COL14A1: variants seen among roughly 807,000 people sequenced by gnomAD.
COL14A1 encodes the protein collagen type XIV alpha 1 chain.
A neutral mutation model predicts 230.3 loss-of-function variants in COL14A1; 136 were observed. That is an observed-to-expected ratio of 0.59 (90% CI 0.51 to 0.68). COL14A1 has a LOEUF of 0.68. Among genes scored for constraint, COL14A1 ranks in the 30% least tolerant of loss-of-function variants. The probability of loss-of-function intolerance (pLI) is 0.00; values close to 1 mark genes in which losing one functional copy is unlikely to be tolerated. For synonymous variants in COL14A1, 792 were observed against 784.1 expected, an observed-to-expected ratio of 1.01 and a Z score of -0.17; for missense variants, 1,976 against 2,215.8, an observed-to-expected ratio of 0.89 and a Z score of 2.17.
chr8:120,342,147 G>T (rs544968973), intron 43 of COL14A1, among the ~76,000 whole-genome samples: 28 of 152,334 alleles, frequency 1.8e-4, no homozygotes, highest in South Asian at 8.3e-4. Flanking sequence ...TAGGGGACCA[G>T]AAATACTTAC....
chr8:120,326,096 G>A (rs540752597), intron 40 of COL14A1, among the ~76,000 whole-genome samples: 2 of 152,312 alleles, frequency 1.3e-5, no homozygotes, highest in African/African-American at 2.4e-5. Context: ...AAATGAAGAT[G>A]TGAGAAGAAG....
intron 45 of COL14A1, among the ~76,000 whole-genome samples, chr8:120,348,437 A>T (rs1240877154): frequency 6.6e-6 from 1 of 151,920 alleles, no homozygotes; most frequent in Admixed American, 6.6e-5. Context: ...GGAATGGAAA[A>T]CCAAACACCA....
chr8:120,216,868 G>C (rs2130779193), intron 14 of COL14A1, among the ~76,000 whole-genome samples: 1 of 152,304 alleles, frequency 6.6e-6, no homozygotes, highest in African/African-American at 2.4e-5. Context: ...GGAGTCCCAT[G>C]ACCCATGTCC....
intron 5 of COL14A1, among the ~76,000 whole-genome samples, chr8:120,180,867 C>G (rs1055030219): frequency 2.0e-5 from 3 of 152,056 alleles, no homozygotes; most frequent in African/African-American, 7.2e-5. Context: ...CCCAACATGC[C>G]CAGCTCATTT....
rs866640147 is a variant in COL14A1, at chr8:120,300,801, G to A, written c.4384G>A (p.Gly1462Arg). ...SCSETNEVAL[G>R]PAGPPGGPGL... ...TTCTGAAACCAATGAAGTGGCTCTG[G>A]GACCAGCGGGCCCACCAGTAAGTCT... The change falls in exon 36 of 48, where the codon GGA becomes AGA. Residue 1462 changes from glycine to arginine, a missense_variant. Transcript: ENST00000297848. 9 of 1,613,316 alleles carry A rather than the reference G, an allele frequency of 5.6e-6. No homozygotes were observed. The African/African-American group carries it at 1.2e-4, about 22-fold the overall frequency.
chr8:120,243,848 T>C, intron 19 of COL14A1, 31 bp from the exon 20 acceptor site: 1 of 1,609,278 alleles, frequency 6.2e-7, no homozygotes, highest in Admixed American at 1.7e-5. Flanking sequence ...CGGGTCTCAC[T>C]AAGACTGCAG....
Position 120,372,753 on chromosome 8 carries a change from T to A in COL14A1, c.*1522T>A, listed in dbSNP as rs1293675828. 6.7e-6 allele frequency among the ~76,000 whole-genome samples: 1 copy of A among 149,470 alleles called. No individual in the cohort carries two copies. The highest frequency in any genetic ancestry group is 2.4e-5 in the African/African-American group (1 of 41,048). ...CTTTCATCTTCATCTGAAGGATTCTTCAGATGATTCATCTTCAGACTTCAT... is the reference window on the plus strand; with the variant it reads ...CTTTCATCTTCATCTGAAGGATTCTACAGATGATTCATCTTCAGACTTCAT... On this transcript the variant is annotated 3_prime_UTR_variant, in exon 48 of 48. Coordinates refer to ENST00000297848, the MANE Select transcript of COL14A1 (RefSeq NM_021110.4).
intron 22 of COL14A1, among the ~76,000 whole-genome samples, chr8:120,252,198 A>G (rs1441839527): frequency 1.3e-5 from 2 of 151,922 alleles, no homozygotes; most frequent in Non-Finnish European, 2.9e-5. Flanking sequence ...ATTTATTTTA[A>G]AAACTTCAAT....
At chr8:120,280,641 C>T (rs1302873993) in intron 29 of COL14A1, 70 bp from the exon 30 acceptor site, 26 of 1,416,506 alleles carry the variant, frequency 1.8e-5, no homozygotes, top group Non-Finnish European at 2.6e-5. Context: ...TTCCTGTTCT[C>T]AGGACAGGGA....
intron 13 of COL14A1, chr8:120,213,995 A>T (rs1817682314): frequency 2.1e-5 from 8 of 379,724 alleles, no homozygotes; most frequent in South Asian, 1.4e-4. Context: ...AAGAATCAGT[A>T]TGTATTGAAT....
chr8:120,218,720 A>G (rs1188211976), intron 14 of COL14A1, among the ~76,000 whole-genome samples: 2 of 152,158 alleles, frequency 1.3e-5, no homozygotes, highest in Non-Finnish European at 2.9e-5. Flanking sequence ...ACGGACAGTG[A>G]GTTTCAATGA....
At chr8:120,190,094 C>T (rs1215711466) in intron 5 of COL14A1, among the ~76,000 whole-genome samples, 2 of 150,896 alleles carry the variant, frequency 1.3e-5, no homozygotes, top group Non-Finnish European at 2.9e-5. Flanking sequence ...AGTTTACAGT[C>T]CCACCAACAG....
intron 26 of COL14A1, among the ~76,000 whole-genome samples, chr8:120,274,957 T>C (rs1819792517): frequency 6.8e-6 from 1 of 146,740 alleles, no homozygotes; most frequent in Non-Finnish European, 1.5e-5. Flanking sequence ...CCTATACAAA[T>C]ATCAACATCG....
chr8:120,241,731 T>A (rs1209120777), intron 19 of COL14A1, among the ~76,000 whole-genome samples: 2 of 152,000 alleles, frequency 1.3e-5, no homozygotes, highest in African/African-American at 4.8e-5. Context: ...GGTAAGAAGG[T>A]TCAAGTGGTG....
rs201280731 is a variant in COL14A1, at chr8:120,281,070, G to T, written c.3824+11G>T. On this transcript the variant is annotated intron_variant, in intron 31 of 47. Transcript: ENST00000297848. ...TTCCCAGCCAACCAGGTATGTTTCT[G>T]TTGAAAGATTTTAAAGTCATCGTAT... The T allele has an allele frequency of 3.1e-6, 5 of 1,594,456 alleles. No individual in the cohort carries two copies. Among genetic ancestry groups the T allele is most frequent in the Non-Finnish European group, 4.3e-6 (5 of 1,173,944 alleles).
chr8:120,204,556 G>A (rs1417690630), intron 9 of COL14A1, among the ~76,000 whole-genome samples: 1 of 152,152 alleles, frequency 6.6e-6, no homozygotes. Flanking sequence ...GCCACAGTTT[G>A]TTTAACCATT....
intron 45 of COL14A1, among the ~76,000 whole-genome samples, chr8:120,364,548 T>C (rs1823337594): frequency 6.6e-6 from 1 of 152,144 alleles, no homozygotes; most frequent in African/African-American, 2.4e-5. Context: ...CAAATATTAA[T>C]GTATTCACCT....
At chr8:120,333,019 T>G (rs1456724606) in intron 42 of COL14A1, among the ~76,000 whole-genome samples, 1 of 152,246 alleles carries the variant, frequency 6.6e-6, no homozygotes, top group East Asian at 1.9e-4. Flanking sequence ...AAACTCAATA[T>G]CATCTCTCCA....
intron 21 of COL14A1, among the ~76,000 whole-genome samples, chr8:120,249,093 A>AT (rs773091250): frequency 0.41 from 51,952 of 127,770 alleles, 10,789 homozygotes; most frequent in African/African-American, 0.45. Context: ...CGCCCGGCTA[A>AT]TTTTTTTTTT....
Sources: allele counts gnomAD v4.1 joint callset (sites outside exome capture counted in the v4.1 genomes callset), GRCh38; gene constraint gnomAD v4.1.1; transcripts MANE v1.5; gene names NCBI Gene and HGNC (gene_info 2026-07-23, HGNC 2026-07-21).